Variants in SLC35F2 observed in about 807,000 individuals in gnomAD.
The protein encoded by SLC35F2 is solute carrier family 35 member F2.
A neutral mutation model predicts 38.1 loss-of-function variants in SLC35F2; 25 were observed. The ratio of observed to expected loss-of-function variants is 0.66; its 90% CI spans 0.48 to 0.92. SLC35F2 has a LOEUF of 0.92. Among genes scored for constraint, SLC35F2 ranks in the 40% least tolerant of loss-of-function variants. The probability of loss-of-function intolerance (pLI) is 0.00; values close to 1 mark genes in which losing one functional copy is unlikely to be tolerated. For missense variants in SLC35F2, 409 were observed against 452.9 expected (o/e 0.90, Z 0.88); for synonymous variants, 173 against 181.7 (o/e 0.95, Z 0.38).
intron 1 of SLC35F2, among the ~76,000 whole-genome samples, chr11:107,839,181 C>G (rs73546873): frequency 0.027 from 4,127 of 152,236 alleles, 142 homozygotes; most frequent in East Asian, 0.12. Context: ...CTGGCTCTGG[C>G]TGGACGCAGT....
chr11:107,824,168 A>G (rs1859719431), intron 1 of SLC35F2, among the ~76,000 whole-genome samples: 1 of 151,294 alleles, frequency 6.6e-6, no homozygotes, highest in East Asian at 1.9e-4. Flanking sequence ...ATTTTAAAAA[A>G]TAGATAGTGT....
At chr11:107,807,334 CA>C (rs1172711437) in intron 3 of SLC35F2, among the ~76,000 whole-genome samples, 1 of 150,492 alleles carries the variant, frequency 6.6e-6, no homozygotes, top group Non-Finnish European at 1.5e-5. Context: ...CCTGTAGTCC[CA>C]GCTACTTGGG....
At chr11:107,834,595 A>G (rs2134830433) in intron 1 of SLC35F2, among the ~76,000 whole-genome samples, 1 of 152,312 alleles carries the variant, frequency 6.6e-6, no homozygotes, top group Non-Finnish European at 1.5e-5. Flanking sequence ...GGTTGCAGTG[A>G]GCCGAGATCG....
In SLC35F2 at chr11:107,792,220, C is replaced by T. The variant is rs74536875; in HGVS notation, c.*395G>A. Reference sequence around the variant, plus strand: ...TGACAGAGGAAACGTACTCCAGAGCCACCGTGAGCTGCCCCTGTTCCTGAC... The same window carrying T: ...TGACAGAGGAAACGTACTCCAGAGCTACCGTGAGCTGCCCCTGTTCCTGAC... On this transcript the variant is annotated 3_prime_UTR_variant, in exon 8 of 8. Coordinates refer to ENST00000525815, the MANE Select transcript of SLC35F2 (RefSeq NM_017515.5). The T allele has an allele frequency of 0.051, 8,194 of 159,256 alleles. 273 individuals carry two copies. The highest frequency in any genetic ancestry group is 0.13 in the East Asian group (720 of 5,354). The allele number at this position is 159,256 out of a possible 1,614,324, so 9.9% of individuals were successfully genotyped here. A position where few individuals can be genotyped will look rare whatever the true frequency, so the allele number is the denominator to read the frequency against.
chr11:107,832,235 T>C (rs1027341472), intron 1 of SLC35F2, among the ~76,000 whole-genome samples: 2 of 152,198 alleles, frequency 1.3e-5, no homozygotes, highest in African/African-American at 4.8e-5. Context: ...ACTCAGGATA[T>C]TTCCAATCAA....
At chr11:107,811,834 A>G (rs1859485618) in intron 2 of SLC35F2, 40 bp from the exon 3 acceptor site, 1 of 1,576,200 alleles carries the variant, frequency 6.3e-7, no homozygotes, top group Non-Finnish European at 8.7e-7. Context: ...GTTACTTGCA[A>G]ATGATACCAT....
intron 1 of SLC35F2, among the ~76,000 whole-genome samples, chr11:107,857,099 C>G (rs1397173347): frequency 2.3e-5 from 3 of 130,524 alleles, no homozygotes; most frequent in South Asian, 2.5e-4. Context: ...TGTCCAAGGT[C>G]ACCCAGCAGA....
At chr11:107,809,548 CT>C (rs1859449258) in intron 3 of SLC35F2, 8 of 296,762 alleles carry the variant, frequency 2.7e-5, no homozygotes, top group Non-Finnish European at 4.0e-5. Context: ...AGGAGAATCA[CT>C]TGAACCTGGG....
chr11:107,826,278 C>CTTT (rs35417276), intron 1 of SLC35F2, among the ~76,000 whole-genome samples: 1 of 144,126 alleles, frequency 6.9e-6, no homozygotes, highest in African/African-American at 2.5e-5. Context: ...AAAGATAAAA[C>CTTT]TTTTTTTTTT....
At chr11:107,850,528 T>C (rs545034804) in intron 1 of SLC35F2, among the ~76,000 whole-genome samples, 4 of 152,122 alleles carry the variant, frequency 2.6e-5, no homozygotes, top group Non-Finnish European at 4.4e-5. Context: ...CCCCAACAAA[T>C]AGTCAACTCA....
rs1474509741 is a variant in SLC35F2, at chr11:107,791,286, TTTC to T, written c.*1326_*1328del. 2 of 152,274 alleles carry T rather than the reference TTTC, an allele frequency of 1.3e-5. No individual in the cohort carries two copies. Among genetic ancestry groups the T allele is most frequent in the Admixed American group, 6.5e-5 (1 of 15,288 alleles). The allele number at this position is 152,274 out of a possible 1,614,324, so 9.4% of individuals were successfully genotyped here. ...TATATTTTCATTTTGATGAGAATCTTTTCTTGTTTTTACCAGTTATAAAAACAA... is the reference window on the plus strand; with the variant it reads ...TATATTTTCATTTTGATGAGAATCTTTTGTTTTTACCAGTTATAAAAACAA... On this transcript the variant is annotated 3_prime_UTR_variant, in exon 8 of 8. Transcript: ENST00000525815.
chr11:107,847,881 G>T (rs1860123372), intron 1 of SLC35F2, among the ~76,000 whole-genome samples: 1 of 152,204 alleles, frequency 6.6e-6, no homozygotes, highest in African/African-American at 2.4e-5. Flanking sequence ...ATTCTGGGAG[G>T]TGAGCCTGGA....
intron 1 of SLC35F2, among the ~76,000 whole-genome samples, chr11:107,853,915 C>T (rs559964923): frequency 7.9e-5 from 12 of 151,770 alleles, no homozygotes; most frequent in South Asian, 2.1e-4. Context: ...AAGGAATACG[C>T]GTTTTTAAAA....
chr11:107,833,091 T>C (rs1859873855), intron 1 of SLC35F2, among the ~76,000 whole-genome samples: 1 of 152,258 alleles, frequency 6.6e-6, no homozygotes, highest in Non-Finnish European at 1.5e-5. Context: ...TTCATGCTAA[T>C]GGACGCCATC....
At chr11:107,812,647 C>T (rs1165479017) in intron 2 of SLC35F2, among the ~76,000 whole-genome samples, 1 of 152,172 alleles carries the variant, frequency 6.6e-6, no homozygotes, top group Non-Finnish European at 1.5e-5. Context: ...ATGTAACAAA[C>T]CTGCACATTC....
intron 1 of SLC35F2, among the ~76,000 whole-genome samples, chr11:107,844,546 C>T (rs1181453252): frequency 1.3e-5 from 2 of 151,188 alleles, no homozygotes; most frequent in Non-Finnish European, 2.9e-5. Flanking sequence ...CGCTTGAACC[C>T]GGGAGGCGGA....
intron 7 of SLC35F2, among the ~76,000 whole-genome samples, chr11:107,800,012 C>T (rs989100980): frequency 6.6e-6 from 1 of 151,672 alleles, no homozygotes; most frequent in East Asian, 1.9e-4. Flanking sequence ...CCTCAGCCTC[C>T]TGAGCAGCTG....
chr11:107,851,595 A>C (rs1386990879), intron 1 of SLC35F2, among the ~76,000 whole-genome samples: 1 of 151,652 alleles, frequency 6.6e-6, no homozygotes, highest in African/African-American at 2.4e-5. Context: ...AAAAAAAGGG[A>C]TGTAATCCTT....
At chr11:107,801,440 C>A (rs1433563362) in intron 7 of SLC35F2, among the ~76,000 whole-genome samples, 4 of 151,760 alleles carry the variant, frequency 2.6e-5, no homozygotes, top group African/African-American at 7.3e-5. Context: ...TTGAAAAATA[C>A]ATTTTTTCAT....
Sources: allele counts gnomAD v4.1 joint callset (sites outside exome capture counted in the v4.1 genomes callset), GRCh38; gene constraint gnomAD v4.1.1; transcripts MANE v1.5; gene names NCBI Gene and HGNC (gene_info 2026-07-23, HGNC 2026-07-21).